Variants in GRM7 observed in about 807,000 individuals in gnomAD.
GRM7 encodes the protein metabotropic glutamate receptor 7.
A neutral mutation model predicts 84.5 loss-of-function variants in GRM7; 35 were observed. That is an observed-to-expected ratio of 0.41 (90% CI 0.32 to 0.55). The LOEUF is 0.55. Among genes scored for constraint, GRM7 ranks in the 20% least tolerant of loss-of-function variants. The pLI, the probability that GRM7 is intolerant of heterozygous loss-of-function variation, is 0.19. For missense variants in GRM7, 1,003 were observed against 1,194.6 expected, an observed-to-expected ratio of 0.84 and a Z score of 2.36; for synonymous variants, 487 against 455.1, an observed-to-expected ratio of 1.07 and a Z score of -0.89.
At chr3:7,135,047 G>T (rs563433688) in intron 1 of GRM7, among the ~76,000 whole-genome samples, 27 of 152,154 alleles carry the variant, frequency 1.8e-4, no homozygotes, top group African/African-American at 6.0e-4. Context: ...AAGGAAAAAA[G>T]AGTTGCAATA....
At chr3:7,473,292 AC>A (rs1698775976) in intron 7 of GRM7, among the ~76,000 whole-genome samples, 1 of 151,638 alleles carries the variant, frequency 6.6e-6, no homozygotes, top group Non-Finnish European at 1.5e-5. Flanking sequence ...ACAAAGCAAA[AC>A]CCCATCTATA....
intron 7 of GRM7, among the ~76,000 whole-genome samples, chr3:7,553,778 A>G (rs1041159454): frequency 1.3e-5 from 2 of 152,166 alleles, no homozygotes; most frequent in Non-Finnish European, 2.9e-5. Flanking sequence ...CTCTCCCTTG[A>G]CACGTGAGGA....
rs550911919 is a variant in GRM7, at chr3:7,650,156, C to T, written c.2452-29893C>T. On this transcript the variant is annotated intron_variant, in intron 8 of 9. Coordinates refer to ENST00000357716, the MANE Select transcript of GRM7 (RefSeq NM_000844.4). ...TTTAAAAAATGACTTAATGATGTTT[C>T]GAGGTTAATGCTATTAAGTAACATT... 7.2e-5 allele frequency among the ~76,000 whole-genome samples: 11 copies of T among 152,256 alleles called. No homozygotes were observed. The South Asian group carries it at 1.2e-3, about 17-fold the overall frequency.
At chr3:7,176,288 G>A (rs564551097) in intron 2 of GRM7, among the ~76,000 whole-genome samples, 13 of 143,974 alleles carry the variant, frequency 9.0e-5, no homozygotes, top group African/African-American at 3.3e-4. Flanking sequence ...GTGCATGCCT[G>A]TGGTCTCAGC....
At chr3:7,494,663 C>T (rs67895424) in intron 7 of GRM7, among the ~76,000 whole-genome samples, 15,443 of 152,104 alleles carry the variant, frequency 0.1, 1,278 homozygotes, top group African/African-American at 0.23. Context: ...TCTGTTTTTA[C>T]ATTAGGTAAG....
chr3:7,490,708 A>T (rs964608250), intron 7 of GRM7, among the ~76,000 whole-genome samples: 6 of 152,180 alleles, frequency 3.9e-5, no homozygotes, highest in African/African-American at 7.2e-5. Flanking sequence ...TTTATATTTT[A>T]AAAAGTCCTG....
intron 2 of GRM7, among the ~76,000 whole-genome samples, chr3:7,223,553 A>G (rs1696880407): frequency 6.6e-6 from 1 of 151,658 alleles, no homozygotes; most frequent in Non-Finnish European, 1.5e-5. Flanking sequence ...CCTCTCCTGA[A>G]TTATATGTTC....
At chr3:7,635,034 C>T (rs1340153777) in intron 8 of GRM7, among the ~76,000 whole-genome samples, 1 of 152,140 alleles carries the variant, frequency 6.6e-6, no homozygotes, top group African/African-American at 2.4e-5. Context: ...TGGAAATGTC[C>T]TCTGAATTGC....
intron 7 of GRM7, among the ~76,000 whole-genome samples, chr3:7,535,833 A>T (rs1701220175): frequency 6.6e-6 from 1 of 152,196 alleles, no homozygotes; most frequent in Non-Finnish European, 1.5e-5. Flanking sequence ...TACTTGTCAA[A>T]CCATGCACCT....
At chr3:7,458,527 A>G (rs957167538) in intron 6 of GRM7, among the ~76,000 whole-genome samples, 4 of 152,232 alleles carry the variant, frequency 2.6e-5, no homozygotes. Context: ...ATGTGCTATT[A>G]CAAGTCATCA....
At chr3:6,892,851 T>G (rs569202695) in intron 1 of GRM7, 2 of 152,258 alleles carry the variant, frequency 1.3e-5, no homozygotes, top group African/African-American at 4.8e-5. Flanking sequence ...GAGATCAGCT[T>G]CTGTTGTGTG....
intron 4 of GRM7, among the ~76,000 whole-genome samples, chr3:7,310,984 ATCCCC>A (rs1239380664): frequency 6.6e-6 from 1 of 152,030 alleles, no homozygotes; most frequent in Non-Finnish European, 1.5e-5. Flanking sequence ...TCCACATCTC[ATCCCC>A]TCAGGTGTGC....
chr3:7,527,164 G>A (rs930039179), intron 7 of GRM7, among the ~76,000 whole-genome samples: 41 of 151,834 alleles, frequency 2.7e-4, no homozygotes, highest in African/African-American at 8.7e-4. Flanking sequence ...ATAAAAGAGG[G>A]ACATTTTTTC....
At chr3:6,889,574 G>A (rs141182539) in intron 1 of GRM7, among the ~76,000 whole-genome samples, 17,668 of 152,140 alleles carry the variant, frequency 0.12, 1,138 homozygotes, top group East Asian at 0.19. Flanking sequence ...GCATCCCAGG[G>A]ATGAAGCCCA....
At chr3:7,555,115 A>G (rs192162070) in intron 7 of GRM7, among the ~76,000 whole-genome samples, 1 of 152,278 alleles carries the variant, frequency 6.6e-6, no homozygotes, top group African/African-American at 2.4e-5. Flanking sequence ...CATTCTTCTC[A>G]GTTGTAAAAT....
intron 2 of GRM7, among the ~76,000 whole-genome samples, chr3:7,251,300 TA>T (rs577843968): frequency 0.056 from 8,088 of 144,020 alleles, 428 homozygotes; most frequent in African/African-American, 0.15. Flanking sequence ...TTCAGTTACT[TA>T]AAAAAAAAAA....
At chr3:6,936,690 T>C (rs1697706244) in intron 1 of GRM7, among the ~76,000 whole-genome samples, 1 of 152,226 alleles carries the variant, frequency 6.6e-6, no homozygotes, top group Admixed American at 6.5e-5. Flanking sequence ...GTTATTTTAA[T>C]GTTTAAAAGA....
At chr3:7,421,916 T>TAAAAAAAAAA (rs773501237) in intron 5 of GRM7, among the ~76,000 whole-genome samples, 1 of 78,812 alleles carries the variant, frequency 1.3e-5, no homozygotes, top group Admixed American at 1.4e-4. Flanking sequence ...CTACAAACAG[T>TAAAAAAAAAA]AAAAAAAAAA....
chr3:7,422,384 T>G (rs1696433734), intron 5 of GRM7, among the ~76,000 whole-genome samples: 2 of 152,196 alleles, frequency 1.3e-5, no homozygotes, highest in South Asian at 4.1e-4. Context: ...ATTTGAAACA[T>G]GACTAATGCA....
Sources: allele counts gnomAD v4.1 joint callset (sites outside exome capture counted in the v4.1 genomes callset), GRCh38; gene constraint gnomAD v4.1.1; transcripts MANE v1.5; gene names NCBI Gene and HGNC (gene_info 2026-07-23, HGNC 2026-07-21).